The following LRRC4C variants were observed in gnomAD, a reference collection of about 807,000 sequenced individuals.
LRRC4C encodes the protein leucine rich repeat containing 4C.
LRRC4C carries 5 observed loss-of-function variants against 33.6 expected under a neutral mutation model. That is an observed-to-expected ratio of 0.15 (90% CI 0.08 to 0.31). The LOEUF (loss-of-function observed/expected upper bound fraction) is 0.31. Among genes scored for constraint, LRRC4C ranks in the 10% least tolerant of loss-of-function variants. The pLI, the probability that LRRC4C is intolerant of heterozygous loss-of-function variation, is 1.00. For synonymous variants in LRRC4C, 329 were observed against 302.0 expected (o/e 1.09, Z -0.93); for missense variants, 560 against 796.7 (o/e 0.70, Z 3.58).
chr11:40,875,152 C>G (rs1954825247), intron 2 of LRRC4C, among the ~76,000 whole-genome samples: 1 of 152,070 alleles, frequency 6.6e-6, no homozygotes, highest in South Asian at 2.1e-4. Context: ...TTCTTAGAAC[C>G]AGGAAAAAAT....
chr11:41,034,360 A>T (rs1381581), intron 1 of LRRC4C, among the ~76,000 whole-genome samples: 109,051 of 149,708 alleles, frequency 0.73, 39,952 homozygotes, highest in South Asian at 0.78. Flanking sequence ...ACAAAAAGAA[A>T]TTCCTTATAA....
At chr11:40,759,994 C>T (rs926628323) in intron 2 of LRRC4C, among the ~76,000 whole-genome samples, 1 of 150,004 alleles carries the variant, frequency 6.7e-6, no homozygotes, top group South Asian at 2.1e-4. Flanking sequence ...AGGAGTAATT[C>T]GGTTTTGACC....
chr11:40,719,031 T>G (rs1946872005), intron 2 of LRRC4C, among the ~76,000 whole-genome samples: 1 of 152,342 alleles, frequency 6.6e-6, no homozygotes, highest in South Asian at 2.1e-4. Flanking sequence ...ACTTCTCTTT[T>G]GACGGCCCTT....
chr11:40,664,652 C>A (rs562118378), intron 2 of LRRC4C, among the ~76,000 whole-genome samples: 1 of 151,948 alleles, frequency 6.6e-6, no homozygotes, highest in African/African-American at 2.4e-5. Context: ...ATATAAGAAA[C>A]CCAAACAAAA....
intron 1 of LRRC4C, among the ~76,000 whole-genome samples, chr11:40,984,893 CT>C (rs562785410): frequency 2.0e-3 from 105 of 52,252 alleles, no homozygotes; most frequent in East Asian, 7.8e-3. Flanking sequence ...CTCACTGACA[CT>C]TTTTTTTTTT....
chr11:40,295,639 G>A (rs1944473301), intron 4 of LRRC4C, among the ~76,000 whole-genome samples: 1 of 152,134 alleles, frequency 6.6e-6, no homozygotes, highest in Non-Finnish European at 1.5e-5. Context: ...TTTGCATACT[G>A]AGAGCATGCT....
At chr11:41,209,498 G>A (rs1297017327) in intron 1 of LRRC4C, among the ~76,000 whole-genome samples, 1 of 151,602 alleles carries the variant, frequency 6.6e-6, no homozygotes, top group Non-Finnish European at 1.5e-5. Context: ...ATAAGATTTT[G>A]GATTTAGAAT....
At chr11:41,445,473 G>A (rs955014389) in intron 1 of LRRC4C, among the ~76,000 whole-genome samples, 1 of 152,112 alleles carries the variant, frequency 6.6e-6, no homozygotes, top group African/African-American at 2.4e-5. Flanking sequence ...GGAGTCACTG[G>A]GAGACAAAAG....
chr11:41,138,023 G>T (rs1036946720), intron 1 of LRRC4C, among the ~76,000 whole-genome samples: 2 of 152,138 alleles, frequency 1.3e-5, no homozygotes, highest in Non-Finnish European at 2.9e-5. Context: ...ATCAAATAAA[G>T]GTATATCACT....
chr11:40,215,294 C>T (rs1008366187), intron 5 of LRRC4C, among the ~76,000 whole-genome samples: 3 of 152,156 alleles, frequency 2.0e-5, no homozygotes, highest in Non-Finnish European at 4.4e-5. Context: ...CTGAGAGGTA[C>T]TAAGCTAATC....
chr11:40,580,160 C>G (rs1475265126), intron 3 of LRRC4C, among the ~76,000 whole-genome samples: 1 of 151,704 alleles, frequency 6.6e-6, no homozygotes, highest in Non-Finnish European at 1.5e-5. Flanking sequence ...TAAAGAAATT[C>G]CCCGAAACTG....
chr11:40,382,716 C>A lies in LRRC4C; in HGVS notation c.-269-62995G>T, dbSNP rs184410196. ...TTTTTTTTTTTTTTTTTTTTTGAGA[C>A]AGAGTCTCGCTCTGTCGCCCAGGCT... On this transcript the variant is annotated intron_variant, in intron 3 of 6. Transcript: ENST00000528697. Among the ~76,000 whole-genome samples, 870 of 96,966 alleles carry A rather than the reference C, an allele frequency of 9.0e-3. 6 individuals carry two copies. Among genetic ancestry groups the A allele is most frequent in the Admixed American group, 0.014 (89 of 6,334 alleles). The allele number at this position is 96,966 out of a possible 152,430, so 63.6% of individuals were successfully genotyped here. A position where few individuals can be genotyped will look rare whatever the true frequency, so the allele number is the denominator to read the frequency against.
At chr11:40,691,657 G>T (rs965238829) in intron 2 of LRRC4C, among the ~76,000 whole-genome samples, 1 of 152,066 alleles carries the variant, frequency 6.6e-6, no homozygotes, top group African/African-American at 2.4e-5. Flanking sequence ...ACTGGAATTG[G>T]TAAAATTAGG....
At chr11:41,079,536 G>T (rs1421166470) in intron 1 of LRRC4C, among the ~76,000 whole-genome samples, 1 of 152,096 alleles carries the variant, frequency 6.6e-6, no homozygotes, top group East Asian at 1.9e-4. Flanking sequence ...AGAGCAAAAA[G>T]ATGTATTGCA....
At chr11:40,260,387 C>T (rs1198036132) in intron 4 of LRRC4C, among the ~76,000 whole-genome samples, 1 of 145,652 alleles carries the variant, frequency 6.9e-6, no homozygotes, top group Admixed American at 7.0e-5. Context: ...GGGAACCTCA[C>T]ACTCTGGAGA....
chr11:40,653,342 A>C (rs2136163548), intron 2 of LRRC4C, among the ~76,000 whole-genome samples: 1 of 152,324 alleles, frequency 6.6e-6, no homozygotes, highest in East Asian at 1.9e-4. Flanking sequence ...TGATAGTGAT[A>C]TGGACAATGA....
At chr11:41,167,646 G>GTGATTATA (rs1273781345) in intron 1 of LRRC4C, among the ~76,000 whole-genome samples, 1 of 152,102 alleles carries the variant, frequency 6.6e-6, no homozygotes, top group African/African-American at 2.4e-5. Context: ...TAAAACTAAT[G>GTGATTATA]TGATTATACT....
chr11:40,912,074 C>T (rs6416111), intron 2 of LRRC4C, among the ~76,000 whole-genome samples: 149,757 of 152,304 alleles, frequency 0.98, 73,696 homozygotes, highest in East Asian at 1. Context: ...ATCTGATTAG[C>T]GTACCTGAAA....
At chr11:40,732,775 A>G (rs1324892239) in intron 2 of LRRC4C, among the ~76,000 whole-genome samples, 2 of 152,144 alleles carry the variant, frequency 1.3e-5, no homozygotes, top group African/African-American at 4.8e-5. Flanking sequence ...AAAAACCCCA[A>G]CTACCAGGGT....
Sources: gnomAD v4.1 joint callset for allele counts (sites outside exome capture counted in the v4.1 genomes callset) on GRCh38, gnomAD v4.1.1 for gene constraint, MANE v1.5 for transcripts, NCBI Gene and HGNC (gene_info 2026-07-23, HGNC 2026-07-21) for gene names.